Variants in ANK3 observed in about 807,000 individuals in gnomAD.
The protein encoded by ANK3 is ankyrin-3.
In ANK3, 57 loss-of-function variants were observed where a neutral mutation model predicts 370.9. The ratio of observed to expected loss-of-function variants is 0.15; its 90% CI spans 0.12 to 0.19. The LOEUF is 0.19. Among genes scored for constraint, ANK3 ranks in the 10% least tolerant of loss-of-function variants. The probability of loss-of-function intolerance (pLI) is 1.00; values close to 1 mark genes in which losing one functional copy is unlikely to be tolerated. For synonymous variants in ANK3, 1,929 were observed against 1,946.3 expected (o/e 0.99, Z 0.23); for missense variants, 4,439 against 5,302.1 (o/e 0.84, Z 5.06).
intron 2 of ANK3, among the ~76,000 whole-genome samples, chr10:60,543,492 T>C (rs2076895928): frequency 6.6e-6 from 1 of 151,972 alleles, no homozygotes. Context: ...GCAAGGTATC[T>C]CTTCATGGAA....
At chr10:60,573,050 C>T (rs768309577) in intron 2 of ANK3, 35 of 973,846 alleles carry the variant, frequency 3.6e-5, no homozygotes, top group Non-Finnish European at 4.3e-5. Context: ...CTGCTAGCCT[C>T]CCATACTAAC....
chr10:60,387,832 A>C (rs2062621832), intron 1 of ANK3, among the ~76,000 whole-genome samples: 1 of 152,178 alleles, frequency 6.6e-6, no homozygotes, highest in Non-Finnish European at 1.5e-5. Context: ...CCCAGGCACA[A>C]AGGTAACAGA....
intron 1 of ANK3, among the ~76,000 whole-genome samples, chr10:60,308,276 G>A (rs1274920278): frequency 6.9e-6 from 1 of 145,486 alleles, no homozygotes; most frequent in Admixed American, 6.9e-5. Context: ...GGAGACCCTT[G>A]ACTTTGGAGG....
intron 23 of ANK3, chr10:60,146,138 G>C: frequency 2.1e-6 from 3 of 1,405,760 alleles, no homozygotes; most frequent in Non-Finnish European, 2.8e-6. Context: ...ACTTACATAA[G>C]TCTGCCATGT....
At position 60,261,884 on chromosome 10, in the gene ANK3, G is replaced by A. The variant is rs140444175; in HGVS notation, c.773C>T (p.Ala258Val). The A allele has an allele frequency of 3.7e-6, 6 of 1,613,946 alleles. No homozygotes were observed. The highest frequency in any genetic ancestry group is 4.5e-5 in the East Asian group (2 of 44,874). Residue 258 changes from alanine to valine, a missense_variant, in exon 7 of 44, where the codon GCG (alanine) becomes GTG (valine). Coordinates refer to ENST00000280772, the MANE Select transcript of ANK3 (RefSeq NM_020987.5). Reference protein sequence around the residue: ...INVATLLLNRAAAVDFTARND... With the variant: ...INVATLLLNRVAAVDFTARND... ...CCTTGCGGTGAAATCCACAGCAGCC[G>A]CTCGGTTTAACAGCAACGTGGCTAC...
At position 60,048,722 on chromosome 10, in the gene ANK3, A is replaced by AC. The variant is rs1259810436; in HGVS notation, c.13066-5964_13066-5963insG. ...AGGTTGGTTGAGTTTGTGCATGTGG[A>AC]ATGCCCAGATATGGAGGTCCAATTG... On this transcript the variant is annotated intron_variant, in intron 42 of 43. Coordinates refer to ENST00000280772, the MANE Select transcript of ANK3 (RefSeq NM_020987.5). Among the ~76,000 whole-genome samples the AC allele has an allele frequency of 1.1e-3, 174 of 152,312 alleles. 2 individuals carry two copies. In the East Asian group the frequency reaches 0.033, roughly 29 times the overall value.
In ANK3 at chr10:60,293,073, C is replaced by A. The variant is rs369764157; in HGVS notation, c.115-13434G>T. Among the ~76,000 whole-genome samples, 117 of 152,310 alleles carry A rather than the reference C, an allele frequency of 7.7e-4. 1 individual carries two copies. The highest frequency in any genetic ancestry group is 2.7e-3 in the African/African-American group (114 of 41,576). Reference sequence around the variant, plus strand: ...TTTTGCTTTGCTTCATCTAGCTCATCTGTCTCAATTATTTCCCACATGAAC... The same window carrying A: ...TTTTGCTTTGCTTCATCTAGCTCATATGTCTCAATTATTTCCCACATGAAC... On this transcript the variant is annotated intron_variant, in intron 1 of 43. Coordinates refer to ENST00000280772, the MANE Select transcript of ANK3 (RefSeq NM_020987.5).
intron 1 of ANK3, among the ~76,000 whole-genome samples, chr10:60,324,929 G>A (rs980530534): frequency 6.6e-6 from 1 of 152,174 alleles, no homozygotes; most frequent in Non-Finnish European, 1.5e-5. Context: ...AGATTGAGGT[G>A]GATATTCTTG....
At chr10:60,423,166 C>A (rs932951932) in intron 2 of ANK3, among the ~76,000 whole-genome samples, 1 of 151,972 alleles carries the variant, frequency 6.6e-6, no homozygotes, top group African/African-American at 2.4e-5. Context: ...TGAAATTCTC[C>A]CATGAATATG....
At chr10:60,581,228 A>T (rs2077746329) in intron 2 of ANK3, among the ~76,000 whole-genome samples, 1 of 152,106 alleles carries the variant, frequency 6.6e-6, no homozygotes, top group South Asian at 2.1e-4. Flanking sequence ...CCCATTTTAC[A>T]CTTTGATGTG....
rs769645337 is a variant in ANK3 at position 60,389,565 on chromosome 10, C to A, written c.-27G>T. ...ATGCATTTAAAAAGATCCTCTCAAG[C>A]ACACACGGCTTCCTTGTAAAAGGTG... On this transcript the variant is annotated 5_prime_UTR_variant, in exon 1 of 44. Coordinates refer to ENST00000280772, the MANE Select transcript of ANK3 (RefSeq NM_020987.5). 2.5e-6 allele frequency: 4 copies of A among 1,611,550 alleles called. No individual in the cohort carries two copies. Among genetic ancestry groups the A allele is most frequent in the Admixed American group, 1.7e-5 (1 of 59,468 alleles).
intron 2 of ANK3, among the ~76,000 whole-genome samples, chr10:60,398,435 A>G (rs2063287635): frequency 6.6e-6 from 1 of 152,178 alleles, no homozygotes; most frequent in African/African-American, 2.4e-5. Flanking sequence ...GTGTACATAC[A>G]TGTATATGTG....
intron 2 of ANK3, among the ~76,000 whole-genome samples, chr10:60,476,246 TGAA>T (rs975106779): frequency 6.6e-6 from 1 of 152,110 alleles, no homozygotes; most frequent in Non-Finnish European, 1.5e-5. Context: ...ATGTTCATAA[TGAA>T]GGAGTTAATA....
chr10:60,272,864 G>C (rs527383010), intron 4 of ANK3, among the ~76,000 whole-genome samples: 1 of 151,766 alleles, frequency 6.6e-6, no homozygotes, highest in African/African-American at 2.4e-5. Context: ...ATGTCAGTTC[G>C]TTCTCAATGT....
intron 2 of ANK3, among the ~76,000 whole-genome samples, chr10:60,446,104 C>T (rs902684467): frequency 3.3e-5 from 5 of 152,252 alleles, no homozygotes; most frequent in East Asian, 1.9e-4. Context: ...TGCCTTGATG[C>T]GTTGATGCCG....
chr10:60,517,905 C>T (rs1367900359), intron 2 of ANK3, among the ~76,000 whole-genome samples: 4 of 152,028 alleles, frequency 2.6e-5, no homozygotes. Flanking sequence ...GATAACCACC[C>T]CACTGGCTAG....
intron 23 of ANK3, among the ~76,000 whole-genome samples, chr10:60,148,253 A>C (rs910366851): frequency 1.3e-5 from 2 of 152,038 alleles, no homozygotes; most frequent in African/African-American, 4.8e-5. Flanking sequence ...AGTACAAACC[A>C]GTTTGATTCT....
intron 1 of ANK3, among the ~76,000 whole-genome samples, chr10:60,324,179 T>G (rs2049279372): frequency 6.6e-6 from 1 of 152,210 alleles, no homozygotes; most frequent in Admixed American, 6.5e-5. Context: ...GCTGGAGTGA[T>G]GTCCTAGAGT....
chr10:60,182,105 C>T lies in ANK3; in HGVS notation c.2086-678G>A, dbSNP rs141240297. ...TTTTTTTTTTTTTTACAAAATTATG[C>T]AAGAGTTTTAACATATTGCCAATGC... On this transcript the variant is annotated intron_variant, in intron 17 of 43. Transcript: ENST00000280772. Among the ~76,000 whole-genome samples the T allele has an allele frequency of 2.8e-3, 426 of 150,164 alleles. 3 individuals carry two copies. The highest frequency in any genetic ancestry group is 5.1e-3 in the Non-Finnish European group (347 of 67,704).
Sources: gnomAD v4.1 joint callset for allele counts (sites outside exome capture counted in the v4.1 genomes callset) on GRCh38, gnomAD v4.1.1 for gene constraint, MANE v1.5 for transcripts, NCBI Gene and HGNC (gene_info 2026-07-23, HGNC 2026-07-21) for gene names.